The following GRIK2 variants were observed in gnomAD, a reference collection of about 807,000 sequenced individuals.
The protein encoded by GRIK2 is glutamate ionotropic receptor kainate type subunit 2, also known as glutamate receptor ionotropic, kainate 2.
A neutral mutation model predicts 100.3 loss-of-function variants in GRIK2; 32 were observed. The observed-to-expected ratio is 0.32, with a 90% CI of 0.24 to 0.43. GRIK2 has a LOEUF of 0.43. GRIK2 is among the 20% of genes least tolerant of loss of function. The pLI, the probability that GRIK2 is intolerant of heterozygous loss-of-function variation, is 1.00. For missense variants in GRIK2, 843 were observed against 1,114.9 expected (o/e 0.76, Z 3.47); for synonymous variants, 417 against 389.4 (o/e 1.07, Z -0.83).
At chr6:101,495,510 T>A (rs1285286763) in intron 2 of GRIK2, among the ~76,000 whole-genome samples, 1 of 151,932 alleles carries the variant, frequency 6.6e-6, no homozygotes, top group Admixed American at 6.6e-5. Flanking sequence ...CGTCTCAAAA[T>A]AAGTAAATAA....
chr6:101,975,243 A>G (rs1483995611), intron 14 of GRIK2, among the ~76,000 whole-genome samples: 1 of 151,924 alleles, frequency 6.6e-6, no homozygotes, highest in Non-Finnish European at 1.5e-5. Flanking sequence ...ATATGGGCCT[A>G]GAGAGATTAG....
At chr6:101,588,778 TAACA>T (rs758741168) in intron 2 of GRIK2, among the ~76,000 whole-genome samples, 16 of 152,152 alleles carry the variant, frequency 1.1e-4, no homozygotes, top group Non-Finnish European at 1.6e-4. Context: ...CATACATATG[TAACA>T]AACCTGCACA....
At position 101,753,664 on chromosome 6, in the gene GRIK2, CA is replaced by C. The variant is rs568788273; in HGVS notation, c.952-45977del. Among the ~76,000 whole-genome samples the C allele has an allele frequency of 3.3e-4, 50 of 150,146 alleles. 1 individual carries two copies. The East Asian group carries it at 9.1e-3, about 27-fold the overall frequency. ...AGGTTTTATATTAATATTAATATGA[CA>C]AAAAAAGAAAAAAAAGGAACAGAAT... On this transcript the variant is annotated intron_variant, in intron 7 of 16. Coordinates refer to ENST00000369134, the MANE Select transcript of GRIK2 (RefSeq NM_021956.5).
chr6:101,521,660 A>G (rs1383298018), intron 2 of GRIK2, among the ~76,000 whole-genome samples: 1 of 151,896 alleles, frequency 6.6e-6, no homozygotes, highest in Non-Finnish European at 1.5e-5. Context: ...AAAATAAGAT[A>G]CTTTTTACTT....
At chr6:102,057,210 T>C (rs191013190) in intron 16 of GRIK2, among the ~76,000 whole-genome samples, 1 of 152,128 alleles carries the variant, frequency 6.6e-6, no homozygotes, top group Admixed American at 6.6e-5. Context: ...GAACCTCAAA[T>C]AATCCATATG....
chr6:102,019,863 G>C (rs1387170597), intron 14 of GRIK2, among the ~76,000 whole-genome samples: 1 of 151,778 alleles, frequency 6.6e-6, no homozygotes, highest in Non-Finnish European at 1.5e-5. Flanking sequence ...AATGTCTAAT[G>C]GTTGTCTATT....
chr6:101,676,866 T>C (rs1770879336), intron 5 of GRIK2, 62 bp downstream of exon 5: 2 of 910,034 alleles, frequency 2.2e-6, no homozygotes, highest in Non-Finnish European at 3.4e-6. Context: ...AATATGATCT[T>C]CTTTTAAATC....
At chr6:101,792,671 T>G (rs1454523299) in intron 7 of GRIK2, among the ~76,000 whole-genome samples, 3 of 152,312 alleles carry the variant, frequency 2.0e-5, no homozygotes, top group African/African-American at 7.2e-5. Flanking sequence ...TTGGTAAATC[T>G]GACAATTATG....
chr6:101,887,998 A>G (rs946399135), intron 11 of GRIK2, among the ~76,000 whole-genome samples: 2 of 152,156 alleles, frequency 1.3e-5, no homozygotes, highest in African/African-American at 4.8e-5. Flanking sequence ...TTTCTCCCTT[A>G]CGTCTTAGAG....
At chr6:101,612,069 G>C (rs73761364) in intron 2 of GRIK2, among the ~76,000 whole-genome samples, 3,780 of 151,904 alleles carry the variant, frequency 0.025, 137 homozygotes, top group African/African-American at 0.078. Context: ...ATACAGAATG[G>C]CAATTAAAAG....
intron 14 of GRIK2, among the ~76,000 whole-genome samples, chr6:101,966,025 G>A (rs191227912): frequency 7.2e-5 from 11 of 151,940 alleles, no homozygotes; most frequent in African/African-American, 1.7e-4. Flanking sequence ...TAAATATTTC[G>A]TGACTGCATG....
intron 2 of GRIK2, among the ~76,000 whole-genome samples, chr6:101,474,076 G>A (rs1772097331): frequency 6.6e-6 from 1 of 151,788 alleles, no homozygotes; most frequent in Non-Finnish European, 1.5e-5. Context: ...AATGCTCTCA[G>A]AGGAGGTGGT....
At chr6:101,937,114 T>C (rs530442232) in intron 14 of GRIK2, among the ~76,000 whole-genome samples, 1 of 152,232 alleles carries the variant, frequency 6.6e-6, no homozygotes, top group South Asian at 2.1e-4. Flanking sequence ...TAACGCAGCT[T>C]TGGGCGCTTT....
chr6:101,899,728 G>T (rs950849702), intron 12 of GRIK2, among the ~76,000 whole-genome samples: 2 of 152,088 alleles, frequency 1.3e-5, no homozygotes, highest in African/African-American at 4.8e-5. Flanking sequence ...TGAAGCAAAG[G>T]TGAAATTGTA....
chr6:101,406,757 G>A (rs2579931), intron 2 of GRIK2, among the ~76,000 whole-genome samples: 12,375 of 152,110 alleles, frequency 0.081, 542 homozygotes, highest in South Asian at 0.12. Flanking sequence ...CAAATTTACC[G>A]CCAGACATCC....
chr6:102,055,284 A>C, intron 15 of GRIK2, 46 bp from the exon 16 acceptor site: 1 of 1,473,302 alleles, frequency 6.8e-7, no homozygotes, highest in Non-Finnish European at 9.3e-7. Flanking sequence ...TTAATTATGA[A>C]ATTTCAGGTT....
chr6:101,926,837 T>A (rs1789935672), intron 13 of GRIK2, among the ~76,000 whole-genome samples: 1 of 152,192 alleles, frequency 6.6e-6, no homozygotes, highest in Admixed American at 6.5e-5. Flanking sequence ...AGTCCTTGGG[T>A]AAGATATGAA....
At chr6:101,727,481 C>T (rs1472719066) in intron 7 of GRIK2, among the ~76,000 whole-genome samples, 2 of 152,072 alleles carry the variant, frequency 1.3e-5, no homozygotes, top group Non-Finnish European at 2.9e-5. Flanking sequence ...CCTGGCCTTG[C>T]TCTCCTGTGC....
intron 4 of GRIK2, among the ~76,000 whole-genome samples, chr6:101,673,982 T>C (rs1051484958): frequency 1.3e-5 from 2 of 152,212 alleles, no homozygotes; most frequent in African/African-American, 4.8e-5. Flanking sequence ...CATACACATT[T>C]GTTAGATGCA....
Sources: gnomAD v4.1 joint callset for allele counts (sites outside exome capture counted in the v4.1 genomes callset) on GRCh38, gnomAD v4.1.1 for gene constraint, MANE v1.5 for transcripts, NCBI Gene and HGNC (gene_info 2026-07-23, HGNC 2026-07-21) for gene names.